Variants in NOTCH2 observed in about 807,000 individuals in gnomAD.
NOTCH2 encodes the protein neurogenic locus notch homolog protein 2.
Under a neutral mutation model 235.8 loss-of-function variants are expected in NOTCH2, and 29 were observed. The observed-to-expected ratio is 0.12, with a 90% CI of 0.09 to 0.17. The LOEUF (loss-of-function observed/expected upper bound fraction) is 0.17, where lower values mean the gene tolerates loss of function less well. Ranked by LOEUF, NOTCH2 falls within the 10% of genes least tolerant of loss-of-function variation. The pLI, the probability that NOTCH2 is intolerant of heterozygous loss-of-function variation, is 1.00. For missense variants in NOTCH2, 2,285 were observed against 3,150.2 expected (o/e 0.73, Z 6.57); for synonymous variants, 1,086 against 1,141.5 (o/e 0.95, Z 0.98).
intron 1 of NOTCH2, among the ~76,000 whole-genome samples, chr1:120,032,337 A>G (rs199995976): frequency 3.0e-5 from 4 of 134,506 alleles, no homozygotes; most frequent in Admixed American, 7.1e-5. Context: ...GGAGTACATA[A>G]TGACCCAGCC....
intron 19 of NOTCH2, 124 bp from the exon 20 acceptor site, chr1:119,938,134 T>A: frequency 1.8e-6 from 2 of 1,094,352 alleles, no homozygotes; most frequent in Non-Finnish European, 2.7e-6. Flanking sequence ...AGAGCCTTCA[T>A]CTAGTAAAAG....
chr1:119,953,330 A>C (rs587688240), intron 14 of NOTCH2, among the ~76,000 whole-genome samples: 5 of 148,920 alleles, frequency 3.4e-5, no homozygotes, highest in Admixed American at 6.6e-5. Flanking sequence ...AAAAAAAATT[A>C]CTATTTCAAT....
intron 3 of NOTCH2, among the ~76,000 whole-genome samples, chr1:120,002,742 T>G (rs1553205646): frequency 2.1e-5 from 3 of 145,250 alleles, no homozygotes; most frequent in Non-Finnish European, 1.5e-5. Flanking sequence ...TTTTATTTCC[T>G]TTCTCCTTTA....
chr1:119,953,640 C>A lies in NOTCH2; in HGVS notation c.2268G>T (p.Val756=), dbSNP rs1650572432. 5 of 1,614,008 alleles carry A rather than the reference C, an allele frequency of 3.1e-6. No individual in the cohort carries two copies. The Admixed American group carries it at 5.0e-5, about 16-fold the overall frequency. Reference sequence around the variant, plus strand: ...GATTCGAAAGGCATTCATTTTTGTCCACTTCACAGTTGATGCCAACCCAGC... The same window carrying A: ...GATTCGAAAGGCATTCATTTTTGTCAACTTCACAGTTGATGCCAACCCAGC... ...DAGWVGINCE[V]DKNECLSNPC... The change falls in exon 14 of 34, where the codon GTG becomes GTT. Residue 756 remains valine (V), a synonymous_variant. Transcript: ENST00000256646.
intron 1 of NOTCH2, among the ~76,000 whole-genome samples, chr1:120,037,462 T>A (rs1211582645): frequency 3.3e-5 from 5 of 151,868 alleles, no homozygotes; most frequent in African/African-American, 7.3e-5. Context: ...CAAGGAGACA[T>A]CAGGGATTTG....
intron 13 of NOTCH2, 135 bp from the exon 14 acceptor site, chr1:119,953,823 C>T (rs1650579911): frequency 1.2e-6 from 1 of 808,872 alleles, no homozygotes; most frequent in South Asian, 1.4e-5. Context: ...CTTGCATCAC[C>T]TTGCACATGG....
At chr1:119,939,546 G>A (rs1442484410) in intron 19 of NOTCH2, among the ~76,000 whole-genome samples, 1 of 152,216 alleles carries the variant, frequency 6.6e-6, no homozygotes, top group Non-Finnish European at 1.5e-5. Context: ...AACCGTTTAA[G>A]AGCTTATTTC....
chr1:119,941,498 G>T, intron 18 of NOTCH2, 28 bp downstream of exon 18: 1 of 1,483,232 alleles, frequency 6.7e-7, no homozygotes, highest in Non-Finnish European at 9.4e-7. Flanking sequence ...CTCGTAAGAT[G>T]CTGATGCCCG....
intron 5 of NOTCH2, chr1:119,976,471 G>A (rs1308095807): frequency 6.6e-6 from 1 of 151,364 alleles, no homozygotes; most frequent in Non-Finnish European, 1.5e-5. Context: ...TGGCTAAGGG[G>A]ATAATGTAGT....
chr1:120,037,005 G>A (rs1390573431), intron 1 of NOTCH2, among the ~76,000 whole-genome samples: 5 of 152,072 alleles, frequency 3.3e-5, no homozygotes, highest in African/African-American at 1.2e-4. Flanking sequence ...AATCTGAGCA[G>A]CCTTCAATGT....
intron 5 of NOTCH2, among the ~76,000 whole-genome samples, chr1:119,981,519 C>A (rs189698753): frequency 6.6e-6 from 1 of 152,100 alleles, no homozygotes; most frequent in Non-Finnish European, 1.5e-5. Context: ...GCTTAGAGAG[C>A]CATGAAGTTA....
rs587770533 is a variant in NOTCH2 at position 119,962,930 on chromosome 1, C to G, written c.1915+644G>C. Among the ~76,000 whole-genome samples the G allele has an allele frequency of 2.3e-3, 351 of 152,240 alleles. No individual in the cohort carries two copies. In the Middle Eastern group the frequency reaches 0.024, roughly 10 times the overall value. ...CCCAGAAAGGAGCAGCATGTCCTCACGACCAACAAGGAGTCATTCAACCAA... is the reference window on the plus strand; with the variant it reads ...CCCAGAAAGGAGCAGCATGTCCTCAGGACCAACAAGGAGTCATTCAACCAA... On this transcript the variant is annotated intron_variant, in intron 11 of 33. Coordinates refer to ENST00000256646, the MANE Select transcript of NOTCH2 (RefSeq NM_024408.4).
chr1:119,949,113 C>T lies in NOTCH2; in HGVS notation c.2493G>A (p.Gln831=), dbSNP rs1039264083. The T allele has an allele frequency of 3.1e-6, 5 of 1,614,208 alleles. No homozygotes were observed. The highest frequency in any genetic ancestry group is 4.2e-6 in the Non-Finnish European group (5 of 1,180,034). The change falls in exon 16 of 34, where the codon CAG becomes CAA. Residue 831 remains glutamine (Q), a synonymous_variant. Transcript: ENST00000256646. ...CVLPYTGKNC[Q]TVLAPCSPNP... ...TTGGGGAACAGGGAGCCAATACTGT[C>T]TGACAATTCTTGCCTAGAAAGTAAA...
At chr1:119,928,819 C>G (rs1216316642) in intron 23 of NOTCH2, among the ~76,000 whole-genome samples, 157 bp downstream of exon 23, 1 of 152,172 alleles carries the variant, frequency 6.6e-6, no homozygotes, top group African/African-American at 2.4e-5. Flanking sequence ...CCATAAAGTA[C>G]AGACTAAGAA....
Position 120,005,524 on chromosome 1 carries a change from G to A in NOTCH2, c.220C>T (p.Gln74Ter). 1 of 1,609,438 alleles carries A rather than the reference G, an allele frequency of 6.2e-7. No individual in the cohort carries two copies. The highest frequency in any genetic ancestry group is 8.5e-7 in the Non-Finnish European group (1 of 1,176,634). ...TGGGCCACACAAGTCCCACCATTCT[G>A]GCAGCGGTTCTTCTCACAGGGGTCT... ...HRDPCEKNRC[Q>*]NGGTCVAQAM... Residue 74 changes from glutamine (Q) to a stop codon, truncating the protein, a stop_gained, in exon 3 of 34, where the codon CAG (glutamine) becomes TAG (stop). Coordinates refer to ENST00000256646, the MANE Select transcript of NOTCH2 (RefSeq NM_024408.4). LOFTEE classifies it high-confidence loss of function.
chr1:119,921,032 C>A (rs1649268340), intron 29 of NOTCH2, among the ~76,000 whole-genome samples: 1 of 152,240 alleles, frequency 6.6e-6, no homozygotes. Context: ...TTATTATCCG[C>A]ATTTTACAAG....
In NOTCH2 at chr1:119,919,653, G is replaced by C. The variant is rs1372765405; in HGVS notation, c.5480-40C>G. On this transcript the variant is annotated intron_variant, in intron 30 of 33. Coordinates refer to ENST00000256646, the MANE Select transcript of NOTCH2 (RefSeq NM_024408.4). ...AATTCCATAAAGTACTCAAGAAGGA[G>C]AAGGTAGTTAACCCTATGGTTGAAA... 3.8e-6 allele frequency: 6 copies of C among 1,592,110 alleles called. No individual in the cohort carries two copies. The Admixed American group carries it at 1.0e-4, about 27-fold the overall frequency.
rs1649057565 is a variant in NOTCH2 at position 119,916,123 on chromosome 1, G to A, written c.6599C>T (p.Ser2200Phe). Reference protein sequence around the residue: ...PAPVHAQHALSFSNLHEMQPL... With the variant: ...PAPVHAQHALFFSNLHEMQPL... Reference sequence around the variant, plus strand: ...CTGCATTTCATGAAGGTTAGAAAAAGATAGTGCATGCTGGGCATGGACTGG... The same window carrying A: ...CTGCATTTCATGAAGGTTAGAAAAAAATAGTGCATGCTGGGCATGGACTGG... The change falls in exon 34 of 34, where the codon TCT becomes TTT. Residue 2200 changes from serine to phenylalanine, a missense_variant. Transcript: ENST00000256646. 1 of 1,614,052 alleles carries A rather than the reference G, an allele frequency of 6.2e-7. No homozygotes were observed. The highest frequency in any genetic ancestry group is 1.3e-5 in the African/African-American group (1 of 74,942).
intron 5 of NOTCH2, among the ~76,000 whole-genome samples, chr1:119,977,703 T>C (rs1651643567): frequency 6.6e-6 from 1 of 152,186 alleles, no homozygotes; most frequent in African/African-American, 2.4e-5. Context: ...ATATAATTAG[T>C]CTAATTTTAC....
Sources: gnomAD v4.1 joint callset for allele counts (sites outside exome capture counted in the v4.1 genomes callset) on GRCh38, gnomAD v4.1.1 for gene constraint, MANE v1.5 for transcripts, NCBI Gene and HGNC (gene_info 2026-07-23, HGNC 2026-07-21) for gene names.